Variants in CEP44 observed in about 807,000 individuals in gnomAD.
The protein encoded by CEP44 is centrosomal protein 44.
Under a neutral mutation model 46.7 loss-of-function variants are expected in CEP44, and 45 were observed. That is an observed-to-expected ratio of 0.96 (90% CI 0.76 to 1.24). CEP44 has a LOEUF of 1.24. CEP44 is among the 50% of genes most tolerant of loss of function. The pLI is 0.00. For missense variants in CEP44, 475 were observed against 459.7 expected (o/e 1.03, Z -0.30); for synonymous variants, 142 against 146.0 (o/e 0.97, Z 0.20).
chr4:174,284,834 G>A (rs539271721), intron 1 of CEP44, among the ~76,000 whole-genome samples: 22 of 152,046 alleles, frequency 1.4e-4, no homozygotes, highest in Non-Finnish European at 5.9e-5. Context: ...TTTTTGATAC[G>A]TGTTTTTAGA....
downstream of CEP44, among the ~76,000 whole-genome samples, chr4:174,324,001 A>G (rs1014492759): frequency 1.3e-5 from 2 of 152,164 alleles, no homozygotes; most frequent in African/African-American, 2.4e-5. Context: ...TTTAAAATCA[A>G]CTAGAAGCAA....
Position 174,302,086 on chromosome 4 carries a change from CT to C in CEP44, c.141del (p.Phe47LeufsTer8). On this transcript the variant is annotated frameshift_variant, in exon 4 of 12. Coordinates refer to ENST00000503780, the MANE Select transcript of CEP44 (RefSeq NM_001040157.3). LOFTEE classifies it high-confidence loss of function. The stretch of plus-strand genomic sequence containing the variant: ...GCATCTTTGCCCATCATCAGCTATT[CT>C]TTTACCTCATACTCACCTTATGTAA... Reference protein sequence around the residue: ...PAASLPIISYSFTSYSPYVTE... With the variant: ...PAASLPIISYXFTSYSPYVTE... The C allele has an allele frequency of 6.2e-7, 1 of 1,611,772 alleles. No homozygotes were observed. The highest frequency in any genetic ancestry group is 8.5e-7 in the Non-Finnish European group (1 of 1,179,374).
chr4:174,309,146 G>T lies in CEP44; in HGVS notation c.678+287G>T, dbSNP rs1028525294. ...ACAATTTAGTGAGACATAGCGATAT[G>T]CTACTTTGCATAGTGGAGGTTCTCT... On this transcript the variant is annotated intron_variant, in intron 7 of 11. Coordinates refer to ENST00000503780, the MANE Select transcript of CEP44 (RefSeq NM_001040157.3). The surrounding 1 kb of genome is among the most constrained non-coding windows in gnomAD (Gnocchi z 5.3). Among the ~76,000 whole-genome samples the T allele has an allele frequency of 6.6e-6, 1 of 152,058 alleles. No individual in the cohort carries two copies. Among genetic ancestry groups the T allele is most frequent in the Non-Finnish European group, 1.5e-5 (1 of 67,962 alleles).
intron 9 of CEP44, among the ~76,000 whole-genome samples, chr4:174,315,934 G>A (rs1334284609): frequency 6.6e-6 from 1 of 151,410 alleles, no homozygotes; most frequent in Non-Finnish European, 1.5e-5. Flanking sequence ...TATTCAAACT[G>A]ATTGCTATCA....
Position 174,310,181 on chromosome 4 carries a change from G to C in CEP44, c.885+125G>C, listed in dbSNP as rs1254810312. On this transcript the variant is annotated intron_variant, in intron 8 of 11. Coordinates refer to ENST00000503780, the MANE Select transcript of CEP44 (RefSeq NM_001040157.3). This position sits in a 1 kb window ranked among gnomAD's most constrained non-coding sequence, Gnocchi z 4.2. ...TATTTGAATAATGAGAAAATGTCTA[G>C]TTAGAATGAAGTCCTGTTTAAATAT... 35 of 868,988 alleles carry C rather than the reference G, an allele frequency of 4.0e-5. No homozygotes were observed. The highest frequency in any genetic ancestry group is 6.0e-5 in the Non-Finnish European group (35 of 581,838). 53.8% of individuals were successfully genotyped at this position (868,988 alleles called of 1,614,324 possible). A position where few individuals can be genotyped will look rare whatever the true frequency, so the allele number is the denominator to read the frequency against.
rs74711864 is a variant in CEP44 at position 174,320,047 on chromosome 4, T to C, written c.*2664T>C. The C allele has an allele frequency of 4.7e-3, 4,622 of 985,236 alleles. 14 individuals are homozygous for C. The highest frequency in any genetic ancestry group is 0.014 in the Middle Eastern group (27 of 1,914). 61.0% of individuals were successfully genotyped at this position (985,236 alleles called of 1,614,324 possible). A position where few individuals can be genotyped will look rare whatever the true frequency, so the allele number is the denominator to read the frequency against. On this transcript the variant is annotated 3_prime_UTR_variant, in exon 12 of 12. Coordinates refer to ENST00000503780, the MANE Select transcript of CEP44 (RefSeq NM_001040157.3). Reference sequence around the variant, plus strand: ...TCTCATAAACTGGTTGAAAAAACACTGTACTACCAACAAAGGTGTCAGTTG... The same window carrying C: ...TCTCATAAACTGGTTGAAAAAACACCGTACTACCAACAAAGGTGTCAGTTG...
rs1740805215 is a variant in CEP44, at chr4:174,309,265, TCTTAAAAAAC to T, written c.678+408_678+417del. Among the ~76,000 whole-genome samples the T allele has an allele frequency of 6.6e-6, 1 of 152,080 alleles. No individual in the cohort carries two copies. Among genetic ancestry groups the T allele is most frequent in the Admixed American group, 6.6e-5 (1 of 15,260 alleles). On this transcript the variant is annotated intron_variant, in intron 7 of 11. Coordinates refer to ENST00000503780, the MANE Select transcript of CEP44 (RefSeq NM_001040157.3). The surrounding 1 kb of genome is among the most constrained non-coding windows in gnomAD (Gnocchi z 5.3). ...GGTCCCTGCTGTTATTTTCTGTCTCTCTTAAAAAACCATTTCTATTACTCTTAATTGCCAC... is the reference window on the plus strand; with the variant it reads ...GGTCCCTGCTGTTATTTTCTGTCTCTCATTTCTATTACTCTTAATTGCCAC...
downstream of CEP44, among the ~76,000 whole-genome samples, chr4:174,324,815 C>T (rs1177349184): frequency 6.6e-6 from 1 of 152,100 alleles, no homozygotes; most frequent in Non-Finnish European, 1.5e-5. Flanking sequence ...TCATATATTC[C>T]TGTGGGAACC....
intron 1 of CEP44, among the ~76,000 whole-genome samples, chr4:174,294,289 T>A (rs1345985690): frequency 6.6e-6 from 1 of 151,794 alleles, no homozygotes; most frequent in Non-Finnish European, 1.5e-5. Context: ...ACAAAGCACA[T>A]CTTGCACCAC....
At chr4:174,291,553 A>G (rs1350524921) in intron 1 of CEP44, among the ~76,000 whole-genome samples, 1 of 152,084 alleles carries the variant, frequency 6.6e-6, no homozygotes, top group Non-Finnish European at 1.5e-5. Context: ...AATGAGATTT[A>G]CGTGCCACAG....
At position 174,297,054 on chromosome 4, in the gene CEP44, G is replaced by A. The variant is rs1739116052; in HGVS notation, c.-147-912G>A. 6.6e-6 allele frequency among the ~76,000 whole-genome samples: 1 copy of A among 151,764 alleles called. No homozygotes were observed. The highest frequency in any genetic ancestry group is 1.5e-5 in the Non-Finnish European group (1 of 67,936). ...CTGTTCCTGCTTTCTTTTGATTAAT[G>A]TTAGCATGGTATATTTTTCCCTATC... On this transcript the variant is annotated intron_variant, in intron 1 of 11. Coordinates refer to ENST00000503780, the MANE Select transcript of CEP44 (RefSeq NM_001040157.3). This position sits in a 1 kb window ranked among gnomAD's most constrained non-coding sequence, Gnocchi z 4.3.
chr4:174,322,550 T>G (rs1399709744), downstream of CEP44, among the ~76,000 whole-genome samples: 21 of 152,188 alleles, frequency 1.4e-4, no homozygotes, highest in African/African-American at 2.4e-5. Flanking sequence ...ACCTACTATT[T>G]GCAATTGTTG....
rs1738123708 is a variant in CEP44 at position 174,290,919 on chromosome 4, C to T, written c.-148+6976C>T. Among the ~76,000 whole-genome samples the T allele has an allele frequency of 2.0e-5, 3 of 152,078 alleles. No individual in the cohort carries two copies. The highest frequency in any genetic ancestry group is 4.2e-4 in the South Asian group (2 of 4,818). On this transcript the variant is annotated intron_variant, in intron 1 of 11. Transcript: ENST00000503780. The surrounding 1 kb of genome is among the most constrained non-coding windows in gnomAD (Gnocchi z 4.3). Reference sequence around the variant, plus strand: ...ATAATGCCTTCTTTGTCTCTTTTGACAGTTGTCGACTTAAAGTCTATTTTG... The same window carrying T: ...ATAATGCCTTCTTTGTCTCTTTTGATAGTTGTCGACTTAAAGTCTATTTTG...
intron 1 of CEP44, among the ~76,000 whole-genome samples, chr4:174,295,307 C>G (rs541532778): frequency 6.6e-6 from 1 of 150,568 alleles, no homozygotes; most frequent in Non-Finnish European, 1.5e-5. Flanking sequence ...ACCTCCCAGA[C>G]GGGGTCGCGG....
At chr4:174,289,970 G>T (rs2126501750) in intron 1 of CEP44, among the ~76,000 whole-genome samples, 1 of 151,808 alleles carries the variant, frequency 6.6e-6, no homozygotes, top group Admixed American at 6.6e-5. Flanking sequence ...TCCCGAGTAG[G>T]TGGGAGTCCC....
At chr4:174,294,482 C>T (rs1292411453) in intron 1 of CEP44, among the ~76,000 whole-genome samples, 2 of 151,692 alleles carry the variant, frequency 1.3e-5, no homozygotes, top group African/African-American at 4.8e-5. Flanking sequence ...TTTCTCAATC[C>T]TTTCCCCGCC....
chr4:174,298,992 A>C, intron 2 of CEP44, 80 bp from the exon 3 acceptor site: 1 of 682,360 alleles, frequency 1.5e-6, no homozygotes, highest in Non-Finnish European at 2.5e-6. Flanking sequence ...AAGTGCCAAT[A>C]GGAGATATGA....
At chr4:174,285,668 G>C (rs1737505985) in intron 1 of CEP44, 1 of 152,178 alleles carries the variant, frequency 6.6e-6, no homozygotes, top group South Asian at 2.1e-4. Context: ...AGTCTGGAAA[G>C]ACATAGAATT....
downstream of CEP44, among the ~76,000 whole-genome samples, chr4:174,320,704 A>ATGTGTGTGTGTGTGTGTGTATGTGTG (rs796604982): frequency 0.23 from 29,183 of 124,682 alleles, 3,225 homozygotes; most frequent in East Asian, 0.54. Context: ...GTGTGTGTGT[A>ATGTGTGTGTGTGTGTGTGTATGTGTG]TGTGTGTGTG....
Sources: allele counts gnomAD v4.1 joint callset (sites outside exome capture counted in the v4.1 genomes callset), GRCh38; gene constraint gnomAD v4.1.1; non-coding constraint Gnocchi (gnomAD v3.1); transcripts MANE v1.5; gene names NCBI Gene and HGNC (gene_info 2026-07-23, HGNC 2026-07-21).